ZFP91: variants seen among roughly 807,000 people sequenced by gnomAD.
The protein encoded by ZFP91 is ZFP91 zinc finger protein, atypical E3 ubiquitin ligase.
In ZFP91, 7 loss-of-function variants were observed where a neutral mutation model predicts 63.5. The ratio of observed to expected loss-of-function variants is 0.11; its 90% CI spans 0.06 to 0.21. The LOEUF (loss-of-function observed/expected upper bound fraction) is 0.21. Ranked by LOEUF, ZFP91 falls within the 10% of genes least tolerant of loss-of-function variation. The pLI, the probability that ZFP91 is intolerant of heterozygous loss-of-function variation, is 1.00. For synonymous variants in ZFP91, 330 were observed against 272.1 expected (o/e 1.21, Z -2.10); for missense variants, 628 against 736.6 (o/e 0.85, Z 1.71).
intron 2 of ZFP91, among the ~76,000 whole-genome samples, chr11:58,608,827 A>G (rs536630274): frequency 1.3e-5 from 2 of 152,146 alleles, no homozygotes; most frequent in African/African-American, 4.8e-5. Flanking sequence ...CTGGTCACAA[A>G]CGCCTGACCT....
chr11:58,592,054 T>C (rs1855315984), intron 2 of ZFP91, among the ~76,000 whole-genome samples: 1 of 148,128 alleles, frequency 6.8e-6, no homozygotes, highest in African/African-American at 2.5e-5. Context: ...ATGCTCGAGC[T>C]GGGAATTTGA....
chr11:58,601,297 C>A (rs1219818910), intron 2 of ZFP91, among the ~76,000 whole-genome samples: 1 of 152,130 alleles, frequency 6.6e-6, no homozygotes, highest in Non-Finnish European at 1.5e-5. Context: ...AAGATATGTT[C>A]ATCTTTTCCA....
chr11:58,611,137 C>T, intron 5 of ZFP91, 83 bp downstream of exon 5: 1 of 1,207,432 alleles, frequency 8.3e-7, no homozygotes, highest in Non-Finnish European at 1.2e-6. Flanking sequence ...TATCTGTTGC[C>T]AAGCTAATGG....
chr11:58,613,971 C>G (rs1303078289), intron 8 of ZFP91, among the ~76,000 whole-genome samples: 5 of 152,138 alleles, frequency 3.3e-5, no homozygotes, highest in Non-Finnish European at 5.9e-5. Context: ...ATTGTTACCT[C>G]CATTTTACAA....
intron 1 of ZFP91, among the ~76,000 whole-genome samples, chr11:58,581,072 GAATTA>G (rs1321904148): frequency 1.3e-5 from 2 of 152,176 alleles, no homozygotes; most frequent in African/African-American, 4.8e-5. Flanking sequence ...GAGTTTGTGA[GAATTA>G]AATACAGTGT....
chr11:58,597,293 CT>C (rs1458732873), intron 2 of ZFP91, among the ~76,000 whole-genome samples: 2 of 152,126 alleles, frequency 1.3e-5, no homozygotes, highest in Non-Finnish European at 2.9e-5. Flanking sequence ...TGGAGTTAGC[CT>C]ATCCTTTCCT....
intron 2 of ZFP91, among the ~76,000 whole-genome samples, chr11:58,587,032 GCA>G (rs2134391694): frequency 6.6e-6 from 1 of 152,062 alleles, no homozygotes; most frequent in East Asian, 1.9e-4. Flanking sequence ...AAACAATATT[GCA>G]CACACAGAGT....
intron 2 of ZFP91, among the ~76,000 whole-genome samples, chr11:58,592,878 A>G (rs1310484729): frequency 6.6e-6 from 1 of 152,188 alleles, no homozygotes; most frequent in Non-Finnish European, 1.5e-5. Flanking sequence ...AGCATCAGCT[A>G]GACTTCTGGT....
rs1419439095 is a variant in ZFP91, at chr11:58,579,569, C to G, written c.288C>G (p.Pro96=). ...ARPPDVPGQQ[P]QAAKSPSPVQ... ...CTCCCGACGTCCCCGGGCAGCAGCC[C>G]CAGGCCGCGAAGTCCCCGTCTCCAG... Residue 96 remains proline, a synonymous_variant, in exon 1 of 11, where the codon CCC becomes CCG. Transcript: ENST00000316059. The G allele has an allele frequency of 6.3e-7, 1 of 1,585,114 alleles. No individual in the cohort carries two copies. Among genetic ancestry groups the G allele is most frequent in the Admixed American group, 1.8e-5 (1 of 57,096 alleles).
At chr11:58,597,922 C>G (rs544764213) in intron 2 of ZFP91, among the ~76,000 whole-genome samples, 38 of 152,138 alleles carry the variant, frequency 2.5e-4, no homozygotes, top group Non-Finnish European at 5.1e-4. Context: ...TCTTATGGGT[C>G]CCGTAGTGTT....
At chr11:58,611,860 T>TA in intron 6 of ZFP91, 122 bp downstream of exon 6, 1 of 1,312,856 alleles carries the variant, frequency 7.6e-7, no homozygotes, top group Non-Finnish European at 1.0e-6. Flanking sequence ...TTTTTTAACT[T>TA]AAAAAAATTT....
intron 8 of ZFP91, among the ~76,000 whole-genome samples, chr11:58,613,635 G>A (rs944195644): frequency 6.6e-6 from 1 of 152,106 alleles, no homozygotes. Context: ...TCAAACCTGT[G>A]ATTTCTTGGG....
intron 9 of ZFP91, 87 bp from the exon 10 acceptor site, chr11:58,616,629 C>A: frequency 9.9e-7 from 1 of 1,012,684 alleles, no homozygotes; most frequent in Non-Finnish European, 1.5e-6. Flanking sequence ...CTCTAAATTG[C>A]CTGCCCCATC....
intron 9 of ZFP91, among the ~76,000 whole-genome samples, chr11:58,614,857 G>C (rs185433432): frequency 4.6e-5 from 7 of 152,244 alleles, no homozygotes; most frequent in Admixed American, 1.3e-4. Context: ...TCTGCAATAT[G>C]TATTATAGAA....
Position 58,621,140 on chromosome 11 carries a change from T to C in ZFP91, c.*3434T>C, listed in dbSNP as rs1247987656. On this transcript the variant is annotated 3_prime_UTR_variant, in exon 11 of 11. Coordinates refer to ENST00000316059, the MANE Select transcript of ZFP91 (RefSeq NM_053023.5). The stretch of plus-strand genomic sequence containing the variant: ...CCAAATGCCCTCAGAACAGGTGTTA[T>C]GTGGGGCATACTATTGTTTGCTTTT... 3.3e-5 allele frequency: 5 copies of C among 152,556 alleles called. No homozygotes were observed. Among genetic ancestry groups the C allele is most frequent in the Non-Finnish European group, 5.9e-5 (4 of 68,030 alleles). 9.5% of individuals were successfully genotyped at this position (152,556 alleles called of 1,614,324 possible).
chr11:58,615,699 A>C (rs941466866), intron 9 of ZFP91, among the ~76,000 whole-genome samples: 1 of 152,182 alleles, frequency 6.6e-6, no homozygotes, highest in African/African-American at 2.4e-5. Flanking sequence ...CAGCATTGAC[A>C]TCATTTGGGT....
At chr11:58,607,022 T>C (rs1444151879) in intron 2 of ZFP91, among the ~76,000 whole-genome samples, 1 of 152,134 alleles carries the variant, frequency 6.6e-6, no homozygotes, top group Non-Finnish European at 1.5e-5. Context: ...TTCATAATGG[T>C]AAACTATTGT....
rs12282535 is a variant in ZFP91 at position 58,610,921 on chromosome 11, A to G, written c.618-29A>G. The G allele has an allele frequency of 2.0e-3, 3,217 of 1,597,988 alleles. 69 individuals carry two copies. In the African/African-American group the frequency reaches 0.038, roughly 19 times the overall value. On this transcript the variant is annotated intron_variant, in intron 4 of 10. Coordinates refer to ENST00000316059, the MANE Select transcript of ZFP91 (RefSeq NM_053023.5). ...CTCAGACATGTTCGCTACAACCAGA[A>G]TGTCTCATTTCTATTTACTTATTTT...
At chr11:58,591,048 GT>G (rs1855296333) in intron 2 of ZFP91, among the ~76,000 whole-genome samples, 1 of 151,968 alleles carries the variant, frequency 6.6e-6, no homozygotes, top group African/African-American at 2.4e-5. Context: ...TTATAAGTGG[GT>G]GGACCCAGGG....
Sources: allele counts gnomAD v4.1 joint callset (sites outside exome capture counted in the v4.1 genomes callset), GRCh38; gene constraint gnomAD v4.1.1; transcripts MANE v1.5; gene names NCBI Gene and HGNC (gene_info 2026-07-23, HGNC 2026-07-21).